The following MAP2K6 variants were observed in gnomAD, a reference collection of about 807,000 sequenced individuals.
MAP2K6 encodes the protein mitogen-activated protein kinase kinase 6, also known as dual specificity mitogen-activated protein kinase kinase 6.
A neutral mutation model predicts 53.7 loss-of-function variants in MAP2K6; 16 were observed. The ratio of observed to expected loss-of-function variants is 0.30; its 90% CI spans 0.20 to 0.45. The LOEUF (loss-of-function observed/expected upper bound fraction) is 0.45, where lower values mean the gene tolerates loss of function less well. MAP2K6 is among the 20% of genes least tolerant of loss of function. MAP2K6 has a pLI of 1.00. For missense variants in MAP2K6, 204 were observed against 411.9 expected, an observed-to-expected ratio of 0.50 and a Z score of 4.37; for synonymous variants, 132 against 143.1, an observed-to-expected ratio of 0.92 and a Z score of 0.55.
intron 1 of MAP2K6, among the ~76,000 whole-genome samples, chr17:69,466,679 AG>A (rs1907824139): frequency 6.6e-6 from 1 of 152,248 alleles, no homozygotes; most frequent in South Asian, 2.1e-4. Flanking sequence ...TTACAGAAAC[AG>A]GTTATACTGG....
At chr17:69,417,759 ATTG>A (rs1303682734) in intron 1 of MAP2K6, among the ~76,000 whole-genome samples, 48 of 152,314 alleles carry the variant, frequency 3.2e-4, no homozygotes. Flanking sequence ...GAGAAAAACT[ATTG>A]TTATCAGCCA....
At chr17:69,499,247 A>G (rs1275248438) in intron 1 of MAP2K6, among the ~76,000 whole-genome samples, 1 of 152,214 alleles carries the variant, frequency 6.6e-6, no homozygotes, top group East Asian at 1.9e-4. Context: ...TTGAAGAAAT[A>G]AGATGCCATC....
chr17:69,467,334 T>C (rs1907846443), intron 1 of MAP2K6, among the ~76,000 whole-genome samples: 1 of 152,230 alleles, frequency 6.6e-6, no homozygotes, highest in South Asian at 2.1e-4. Context: ...TAATACTTAA[T>C]GATATCTGAC....
Position 69,546,545 on chromosome 17 carries a change from G to C in MAP2K6, c.*4792G>C, listed in dbSNP as rs1598327634. The C allele has an allele frequency of 1.3e-5, 2 of 152,230 alleles. No homozygotes were observed. Among genetic ancestry groups the C allele is most frequent in the Admixed American group, 1.3e-4 (2 of 15,296 alleles). The allele number at this position is 152,230 out of a possible 1,614,324, so 9.4% of individuals were successfully genotyped here. Reference sequence around the variant, plus strand: ...AAACAATTCTGTTTCTCTTAAAAGTGTCTAACAAAACACTTTTTTCTTTGG... The same window carrying C: ...AAACAATTCTGTTTCTCTTAAAAGTCTCTAACAAAACACTTTTTTCTTTGG... On this transcript the variant is annotated 3_prime_UTR_variant, in exon 12 of 12. Coordinates refer to ENST00000590474, the MANE Select transcript of MAP2K6 (RefSeq NM_002758.4).
chr17:69,537,044 T>G (rs1167588230), intron 11 of MAP2K6, among the ~76,000 whole-genome samples: 1 of 152,206 alleles, frequency 6.6e-6, no homozygotes, highest in Non-Finnish European at 1.5e-5. Context: ...ATTGTGCCAC[T>G]GAATTCCAGC....
chr17:69,447,438 G>A (rs902801420), intron 1 of MAP2K6, among the ~76,000 whole-genome samples: 10 of 151,456 alleles, frequency 6.6e-5, no homozygotes, highest in African/African-American at 1.9e-4. Flanking sequence ...CTCTGCCTCC[G>A]AGGTTCAAGT....
intron 2 of MAP2K6, among the ~76,000 whole-genome samples, chr17:69,512,864 C>T (rs574031690): frequency 9.2e-5 from 14 of 151,976 alleles, no homozygotes; most frequent in Non-Finnish European, 1.8e-4. Context: ...ATAGTGATTG[C>T]GATAGTAACC....
At chr17:69,525,128 T>C in intron 9 of MAP2K6, 150 bp downstream of exon 9, 3 of 572,498 alleles carry the variant, frequency 5.2e-6, no homozygotes, top group Non-Finnish European at 9.5e-6. Flanking sequence ...TAATAATTGT[T>C]TGTATTGTGG....
At chr17:69,452,222 G>C (rs748366307) in intron 1 of MAP2K6, among the ~76,000 whole-genome samples, 2 of 151,180 alleles carry the variant, frequency 1.3e-5, no homozygotes, top group Non-Finnish European at 2.9e-5. Flanking sequence ...GTGTGTACAG[G>C]CCGGGGATGC....
chr17:69,456,516 A>G (rs1907415648), intron 1 of MAP2K6, among the ~76,000 whole-genome samples: 1 of 152,170 alleles, frequency 6.6e-6, no homozygotes, highest in South Asian at 2.1e-4. Flanking sequence ...GTCTACTCAG[A>G]GCTACCCAAC....
intron 1 of MAP2K6, among the ~76,000 whole-genome samples, chr17:69,448,537 C>A (rs1907058881): frequency 6.6e-6 from 1 of 152,070 alleles, no homozygotes; most frequent in African/African-American, 2.4e-5. Flanking sequence ...ACTGCCTTGG[C>A]CTCACTCCCA....
intron 1 of MAP2K6, among the ~76,000 whole-genome samples, chr17:69,490,396 C>T (rs779142213): frequency 6.6e-6 from 1 of 152,178 alleles, no homozygotes; most frequent in Admixed American, 6.5e-5. Flanking sequence ...TTAGCCAGTT[C>T]TTTGTTTCTG....
At chr17:69,501,190 G>C (rs1909156284) in intron 1 of MAP2K6, among the ~76,000 whole-genome samples, 1 of 152,150 alleles carries the variant, frequency 6.6e-6, no homozygotes, top group Non-Finnish European at 1.5e-5. Context: ...CCATCCTTTT[G>C]TGAAGCTGTG....
chr17:69,524,948 G>C lies in MAP2K6; in HGVS notation c.711G>C (p.Lys237Asn), dbSNP rs750062020. Residue 237 changes from lysine to asparagine, a missense_variant, in exon 9 of 12, where the codon AAG (lysine) becomes AAC (asparagine). By Grantham distance (94) the Lys-to-Asn change is moderately conservative (BLOSUM62 0). Transcript: ENST00000590474. ...PELNQKGYSV[K>N]SDIWSLGITM... ...TCAACCAGAAGGGATACAGTGTGAA[G>C]TCTGACATTTGGAGTCTGGGCATCA... 1 of 1,613,410 alleles carries C rather than the reference G, an allele frequency of 6.2e-7. No individual in the cohort carries two copies. The highest frequency in any genetic ancestry group is 2.2e-5 in the East Asian group (1 of 44,862).
At chr17:69,520,880 G>A in intron 6 of MAP2K6, 169 bp from the exon 7 acceptor site, 2 of 538,478 alleles carry the variant, frequency 3.7e-6, no homozygotes, top group Non-Finnish European at 6.6e-6. Flanking sequence ...CTGGTGGATG[G>A]AGTCCAATTT....
At chr17:69,419,314 G>T (rs529290456) in intron 1 of MAP2K6, among the ~76,000 whole-genome samples, 3 of 152,138 alleles carry the variant, frequency 2.0e-5, no homozygotes, top group African/African-American at 7.2e-5. Flanking sequence ...CTGGGTCAAA[G>T]GGCATGTATA....
intron 10 of MAP2K6, among the ~76,000 whole-genome samples, chr17:69,533,841 A>G (rs1263893498): frequency 6.6e-6 from 1 of 150,984 alleles, no homozygotes; most frequent in East Asian, 1.9e-4. Context: ...TCTTGAACTT[A>G]GAAAGAAACA....
At position 69,494,062 on chromosome 17, in the gene MAP2K6, C is replaced by T. The variant is rs1024002753; in HGVS notation, c.17-11718C>T. On this transcript the variant is annotated intron_variant, in intron 1 of 11. Coordinates refer to ENST00000590474, the MANE Select transcript of MAP2K6 (RefSeq NM_002758.4). The surrounding 1 kb of genome is among the most constrained non-coding windows in gnomAD (Gnocchi z 4.2). ...CAAGTTGAATCTGATCAATTTCTAA[C>T]CAACAGAGGGATGTGTGAGTCAATA... Among the ~76,000 whole-genome samples, 1 of 152,174 alleles carries T rather than the reference C, an allele frequency of 6.6e-6. No homozygotes were observed. Among genetic ancestry groups the T allele is most frequent in the Non-Finnish European group, 1.5e-5 (1 of 68,042 alleles).
At chr17:69,431,307 G>A (rs1002544626) in intron 1 of MAP2K6, among the ~76,000 whole-genome samples, 1 of 151,386 alleles carries the variant, frequency 6.6e-6, no homozygotes, top group Non-Finnish European at 1.5e-5. Flanking sequence ...CACCCTTATT[G>A]TATAATATAC....
Sources: gnomAD v4.1 joint callset for allele counts (sites outside exome capture counted in the v4.1 genomes callset) on GRCh38, gnomAD v4.1.1 for gene constraint, Gnocchi (gnomAD v3.1) non-coding constraint, MANE v1.5 for transcripts, NCBI Gene and HGNC (gene_info 2026-07-23, HGNC 2026-07-21) for gene names.